The following MNAT1 variants were observed in gnomAD, a reference collection of about 807,000 sequenced individuals.
MNAT1 encodes CDK-activating kinase assembly factor MAT1.
In MNAT1, 43 loss-of-function variants were observed where a neutral mutation model predicts 42.0. That is an observed-to-expected ratio of 1.02 (90% CI 0.80 to 1.32). The LOEUF (loss-of-function observed/expected upper bound fraction) is 1.32. Among genes scored for constraint, MNAT1 ranks in the 40% most tolerant of loss-of-function variants. The probability of loss-of-function intolerance (pLI) is 0.00; values close to 1 mark genes in which losing one functional copy is unlikely to be tolerated. For synonymous variants in MNAT1, 118 were observed against 120.0 expected, an observed-to-expected ratio of 0.98 and a Z score of 0.11; for missense variants, 306 against 350.4, an observed-to-expected ratio of 0.87 and a Z score of 1.01.
chr14:60,787,444 G>A (rs1030633805), intron 1 of MNAT1, among the ~76,000 whole-genome samples: 1 of 152,168 alleles, frequency 6.6e-6, no homozygotes, highest in Non-Finnish European at 1.5e-5. Context: ...TTGCCCAGAT[G>A]TTGATGGCTC....
chr14:60,802,434 T>C (rs1381202450), intron 3 of MNAT1, among the ~76,000 whole-genome samples: 3 of 152,150 alleles, frequency 2.0e-5, no homozygotes, highest in Admixed American at 6.5e-5. Context: ...CATCACATTG[T>C]ACCCCATAGA....
chr14:60,943,030 G>A, intron 7 of MNAT1, among the ~76,000 whole-genome samples: 1 of 131,020 alleles, frequency 7.6e-6, no homozygotes, highest in Non-Finnish European at 1.6e-5. Context: ...GTGTGTGTGT[G>A]TGTGTGTGTG....
intron 7 of MNAT1, among the ~76,000 whole-genome samples, chr14:60,967,023 T>G (rs1210568611): frequency 6.6e-6 from 1 of 152,208 alleles, no homozygotes; most frequent in Non-Finnish European, 1.5e-5. Context: ...CTCTTCTTCC[T>G]TCCGCTTTCC....
At chr14:60,864,656 T>C (rs890064297) in intron 6 of MNAT1, among the ~76,000 whole-genome samples, 11 of 152,228 alleles carry the variant, frequency 7.2e-5, no homozygotes, top group Admixed American at 3.9e-4. Context: ...CTGACTTTAA[T>C]AAAAGACAAT....
intron 6 of MNAT1, among the ~76,000 whole-genome samples, chr14:60,834,923 C>CCCTTCCTTCCTT (rs35945471): frequency 0.039 from 3,680 of 93,896 alleles, 236 homozygotes; most frequent in African/African-American, 0.083. Flanking sequence ...TTATGTAGTG[C>CCCTTCCTTCCTT]CCTTCCTTCC....
intron 6 of MNAT1, among the ~76,000 whole-genome samples, chr14:60,854,565 C>G (rs1252852057): frequency 6.6e-6 from 1 of 152,162 alleles, no homozygotes. Flanking sequence ...CCTTCTTCGG[C>G]AGGTCTGCTG....
chr14:60,895,672 C>T (rs2034941381), intron 7 of MNAT1, among the ~76,000 whole-genome samples: 1 of 152,146 alleles, frequency 6.6e-6, no homozygotes, highest in Non-Finnish European at 1.5e-5. Context: ...TAGCTCATGC[C>T]TATAATCCTA....
At chr14:60,911,174 C>T (rs1030036535) in intron 7 of MNAT1, among the ~76,000 whole-genome samples, 1 of 151,884 alleles carries the variant, frequency 6.6e-6, no homozygotes, top group African/African-American at 2.4e-5. Context: ...GGTGATATCC[C>T]CTTTGTCATT....
chr14:60,781,226 T>A (rs2031449111), intron 1 of MNAT1, among the ~76,000 whole-genome samples: 1 of 152,180 alleles, frequency 6.6e-6, no homozygotes, highest in Non-Finnish European at 1.5e-5. Flanking sequence ...TTTTGTGTTT[T>A]ATAAAATCAA....
chr14:60,857,879 C>T (rs944507627), intron 6 of MNAT1, among the ~76,000 whole-genome samples: 1 of 152,170 alleles, frequency 6.6e-6, no homozygotes, highest in Non-Finnish European at 1.5e-5. Flanking sequence ...CCAGCTTCAT[C>T]TACATCCCTG....
chr14:60,910,857 T>G (rs1273043350), intron 7 of MNAT1, among the ~76,000 whole-genome samples: 1 of 152,184 alleles, frequency 6.6e-6, no homozygotes, highest in Non-Finnish European at 1.5e-5. Flanking sequence ...TTAGGGAGGA[T>G]TCCCTCTTTT....
chr14:60,858,459 A>G (rs2034016361), intron 6 of MNAT1, among the ~76,000 whole-genome samples: 1 of 149,494 alleles, frequency 6.7e-6, no homozygotes, highest in Non-Finnish European at 1.5e-5. Flanking sequence ...TTCTTTGTAG[A>G]TTCTGGATAT....
At chr14:60,756,832 C>G (rs1162913618) in intron 1 of MNAT1, among the ~76,000 whole-genome samples, 1 of 152,064 alleles carries the variant, frequency 6.6e-6, no homozygotes, top group Non-Finnish European at 1.5e-5. Flanking sequence ...TGTATAAATG[C>G]CCTTGCGTTT....
intron 6 of MNAT1, among the ~76,000 whole-genome samples, chr14:60,843,779 A>G (rs2033610686): frequency 6.6e-6 from 1 of 152,120 alleles, no homozygotes; most frequent in African/African-American, 2.4e-5. Context: ...TTTTTGATGA[A>G]CTGAAGTTAT....
intron 1 of MNAT1, among the ~76,000 whole-genome samples, chr14:60,773,545 A>C (rs1331743312): frequency 6.6e-6 from 1 of 152,206 alleles, no homozygotes; most frequent in East Asian, 1.9e-4. Context: ...TTGGTCAGGA[A>C]AGCAAAAACC....
intron 6 of MNAT1, among the ~76,000 whole-genome samples, chr14:60,865,318 A>G (rs1183441855): frequency 1.3e-5 from 2 of 152,114 alleles, no homozygotes; most frequent in East Asian, 3.8e-4. Context: ...ATTTGGACTT[A>G]TGTATAAGTT....
chr14:60,771,530 T>A (rs1178974154), intron 1 of MNAT1, among the ~76,000 whole-genome samples: 2 of 152,206 alleles, frequency 1.3e-5, no homozygotes, highest in Non-Finnish European at 2.9e-5. Flanking sequence ...GTTCTGCCAC[T>A]TCTGTATTCT....
rs974805866 is a variant in MNAT1, at chr14:60,957,017, T to C, written c.810-11212T>C. On this transcript the variant is annotated intron_variant, in intron 7 of 7. Coordinates refer to ENST00000261245, the MANE Select transcript of MNAT1 (RefSeq NM_002431.4). ...ATGATTGATAGGTAAAGATTTACTT[T>C]TGCTATTTTGTTAATGGTGTTGTAG... is the stretch of plus-strand genomic sequence containing the variant. Among the ~76,000 whole-genome samples, 6 of 152,314 alleles carry C rather than the reference T, an allele frequency of 3.9e-5. No individual in the cohort carries two copies. In the East Asian group the frequency reaches 5.8e-4, roughly 15 times the overall value.
chr14:60,948,919 G>A (rs1298004975), intron 7 of MNAT1, among the ~76,000 whole-genome samples: 1 of 151,200 alleles, frequency 6.6e-6, no homozygotes, highest in Non-Finnish European at 1.5e-5. Flanking sequence ...TAAAGAAACA[G>A]CAAGATAAGA....
Sources: gnomAD v4.1 joint callset for allele counts (sites outside exome capture counted in the v4.1 genomes callset) on GRCh38, gnomAD v4.1.1 for gene constraint, MANE v1.5 for transcripts, NCBI Gene and HGNC (gene_info 2026-07-23, HGNC 2026-07-21) for gene names.